Variants in PRDM16 observed in about 807,000 individuals in gnomAD.
PRDM16 encodes histone-lysine N-methyltransferase PRDM16.
A neutral mutation model predicts 110.6 loss-of-function variants in PRDM16; 23 were observed. The ratio of observed to expected loss-of-function variants is 0.21; its 90% confidence interval spans 0.15 to 0.29. The LOEUF (loss-of-function observed/expected upper bound fraction) is 0.29. Ranked by LOEUF, PRDM16 falls within the 10% of genes least tolerant of loss-of-function variation. PRDM16 has a pLI of 1.00. For synonymous variants in PRDM16, 799 were observed against 781.8 expected, an observed-to-expected ratio of 1.02 and a Z score of -0.37; for missense variants, 1,615 against 1,794.3, an observed-to-expected ratio of 0.90 and a Z score of 1.81.
In PRDM16 at chr1:3,128,908, G is replaced by A. The variant is rs112643711; in HGVS notation, c.38-57217G>A. Reference sequence around the variant, plus strand: ...GAGCCTGCCCTGGCCCCAGGTGGGGGTGCGCAGCCGTGGCCGGCAGCCTTG... The same window carrying A: ...GAGCCTGCCCTGGCCCCAGGTGGGGATGCGCAGCCGTGGCCGGCAGCCTTG... On this transcript the variant is annotated intron_variant, in intron 1 of 16. Transcript: ENST00000270722. Among the ~76,000 whole-genome samples the A allele has an allele frequency of 1.3e-4, 20 of 152,360 alleles. No homozygotes were observed. The South Asian group carries it at 3.9e-3, about 30-fold the overall frequency.
chr1:3,409,351 C>T (rs2100656337), intron 8 of PRDM16, among the ~76,000 whole-genome samples: 1 of 152,252 alleles, frequency 6.6e-6, no homozygotes, highest in East Asian at 1.9e-4. Context: ...GGAGGGTCAC[C>T]TGTCCATCAG....
chr1:3,086,519 T>A (rs1012021069), intron 1 of PRDM16, among the ~76,000 whole-genome samples: 6 of 151,886 alleles, frequency 4.0e-5, no homozygotes, highest in African/African-American at 1.5e-4. Context: ...GCTACTGGCC[T>A]CCTCCCTCCA....
chr1:3,210,509 C>T (rs546341599), intron 2 of PRDM16, among the ~76,000 whole-genome samples: 25 of 152,338 alleles, frequency 1.6e-4, no homozygotes, highest in East Asian at 9.6e-4. Context: ...TCTGTGCACG[C>T]GTGTGACTTT....
intron 2 of PRDM16, among the ~76,000 whole-genome samples, chr1:3,191,013 T>TG (rs1638296792): frequency 6.6e-6 from 1 of 152,038 alleles, no homozygotes; most frequent in Non-Finnish European, 1.5e-5. Context: ...GGGGAGGCAC[T>TG]GGGGGCACTT....
intron 4 of PRDM16, among the ~76,000 whole-genome samples, chr1:3,389,623 A>C (rs377281703): frequency 6.8e-4 from 104 of 152,322 alleles, no homozygotes; most frequent in African/African-American, 2.2e-3. Flanking sequence ...CCTGTTGCCC[A>C]AAAGGGGACT....
intron 10 of PRDM16, among the ~76,000 whole-genome samples, chr1:3,414,931 G>A (rs529294856): frequency 2.6e-5 from 4 of 152,208 alleles, no homozygotes; most frequent in South Asian, 2.1e-4. Context: ...CACTGGAGTC[G>A]TGGGCAGAGC....
At chr1:3,320,553 G>T (rs1641717083) in intron 3 of PRDM16, among the ~76,000 whole-genome samples, 1 of 152,126 alleles carries the variant, frequency 6.6e-6, no homozygotes, top group African/African-American at 2.4e-5. Flanking sequence ...ATCGTCTCAG[G>T]GCACAAAGTC....
chr1:3,089,088 G>T (rs1156242588), intron 1 of PRDM16, among the ~76,000 whole-genome samples: 1 of 152,224 alleles, frequency 6.6e-6, no homozygotes, highest in Admixed American at 6.5e-5. Flanking sequence ...AGTCCGAGAT[G>T]CAGGGATTCT....
intron 1 of PRDM16, among the ~76,000 whole-genome samples, chr1:3,077,400 C>G (rs149087176): frequency 6.6e-6 from 1 of 152,320 alleles, no homozygotes; most frequent in Non-Finnish European, 1.5e-5. Flanking sequence ...GCTGGACTCT[C>G]CCCTTTGTGA....
intron 1 of PRDM16, among the ~76,000 whole-genome samples, chr1:3,166,311 G>A (rs928670455): frequency 6.6e-6 from 1 of 152,266 alleles, no homozygotes; most frequent in East Asian, 1.9e-4. Flanking sequence ...AGGCAACTCC[G>A]ATGCCCACGA....
chr1:3,097,115 C>T (rs1402915184), intron 1 of PRDM16, among the ~76,000 whole-genome samples: 2 of 152,196 alleles, frequency 1.3e-5, no homozygotes, highest in East Asian at 1.9e-4. Flanking sequence ...CTAGGGAGAG[C>T]GGTGCCGAGA....
At position 3,432,119 on chromosome 1, in the gene PRDM16, G is replaced by C. The variant is rs201038279; in HGVS notation, c.3675G>C (p.Leu1225=). 3.1e-4 allele frequency: 502 copies of C among 1,613,604 alleles called. No individual in the cohort carries two copies. Among genetic ancestry groups the C allele is most frequent in the Non-Finnish European group, 3.9e-4 (463 of 1,179,912 alleles). Residue 1225 remains leucine (L), a synonymous_variant, in exon 16 of 17, where the codon CTG becomes CTC. Transcript: ENST00000270722. Reference sequence around the variant, plus strand: ...ATTCTGAGGCTTTAAAACATACACTGTGCAGGCAGGCTAAGAACCAGGTAG... The same window carrying C: ...ATTCTGAGGCTTTAAAACATACACTCTGCAGGCAGGCTAAGAACCAGGTAG... ...TLDSEALKHT[L]CRQAKNQAYA... is the part of the protein sequence containing the mutation.
Position 3,434,616 on chromosome 1 carries a change from G to A in PRDM16, c.*805G>A. The A allele has an allele frequency of 4.3e-6, 1 of 232,492 alleles. No homozygotes were observed. 14.4% of individuals were successfully genotyped at this position (232,492 alleles called of 1,614,324 possible). A position where few individuals can be genotyped will look rare whatever the true frequency, so the allele number is the denominator to read the frequency against. ...TGCAGGCCTGCCCGAGGCTGGGATGGGAAGTGTGCCTGCCCTCGTGTGACA... is the reference window on the plus strand; with the variant it reads ...TGCAGGCCTGCCCGAGGCTGGGATGAGAAGTGTGCCTGCCCTCGTGTGACA... On this transcript the variant is annotated 3_prime_UTR_variant, in exon 17 of 17. Coordinates refer to ENST00000270722, the MANE Select transcript of PRDM16 (RefSeq NM_022114.4).
At chr1:3,166,320 G>A (rs1223740612) in intron 1 of PRDM16, among the ~76,000 whole-genome samples, 6 of 152,242 alleles carry the variant, frequency 3.9e-5, no homozygotes, top group East Asian at 3.9e-4. Context: ...CGATGCCCAC[G>A]AGGGGTCCCT....
chr1:3,282,875 A>C (rs959089700), intron 3 of PRDM16, among the ~76,000 whole-genome samples: 1 of 152,180 alleles, frequency 6.6e-6, no homozygotes, highest in African/African-American at 2.4e-5. Context: ...GGGTCACTCC[A>C]AGGAGTAGTG....
chr1:3,376,643 G>A (rs1401307888), intron 3 of PRDM16, among the ~76,000 whole-genome samples: 2 of 152,194 alleles, frequency 1.3e-5, no homozygotes, highest in South Asian at 2.1e-4. Flanking sequence ...TTAGGAGAGA[G>A]GCTGGCTTCC....
chr1:3,097,917 C>T (rs1642444462), intron 1 of PRDM16, among the ~76,000 whole-genome samples: 1 of 152,158 alleles, frequency 6.6e-6, no homozygotes, highest in South Asian at 2.1e-4. Flanking sequence ...CAGAATTCTG[C>T]CATGCCTGCT....
At chr1:3,398,683 G>C (rs188971272) in intron 5 of PRDM16, among the ~76,000 whole-genome samples, 6 of 152,350 alleles carry the variant, frequency 3.9e-5, no homozygotes, top group Admixed American at 2.6e-4. Flanking sequence ...CTGCCATGAA[G>C]ATTGCTGATG....
intron 2 of PRDM16, among the ~76,000 whole-genome samples, chr1:3,187,675 A>T (rs1644286696): frequency 6.6e-6 from 1 of 152,184 alleles, no homozygotes; most frequent in Admixed American, 6.5e-5. Flanking sequence ...AGCTGAGTGC[A>T]TCCTCCCTGG....
Sources: gnomAD v4.1 joint callset for allele counts (sites outside exome capture counted in the v4.1 genomes callset) on GRCh38, gnomAD v4.1.1 for gene constraint, MANE v1.5 for transcripts, NCBI Gene and HGNC (gene_info 2026-07-23, HGNC 2026-07-21) for gene names.